Variants in SVIL observed in about 807,000 individuals in gnomAD.
SVIL encodes supervillin.
In SVIL, 101 loss-of-function variants were observed where a neutral mutation model predicts 240.4. The ratio of observed to expected loss-of-function variants is 0.42; its 90% confidence interval spans 0.36 to 0.50. The LOEUF (loss-of-function observed/expected upper bound fraction) is 0.50, where lower values mean the gene tolerates loss of function less well. Among genes scored for constraint, SVIL ranks in the 20% least tolerant of loss-of-function variants. The pLI, the probability that SVIL is intolerant of heterozygous loss-of-function variation, is 0.01. For missense variants in SVIL, 2,512 were observed against 2,818.7 expected, an observed-to-expected ratio of 0.89 and a Z score of 2.46; for synonymous variants, 999 against 1,100.0, an observed-to-expected ratio of 0.91 and a Z score of 1.82.
intron 2 of SVIL, among the ~76,000 whole-genome samples, chr10:29,567,760 T>C (rs1005334872): frequency 6.6e-6 from 1 of 152,152 alleles, no homozygotes; most frequent in Admixed American, 6.5e-5. Context: ...CTCACGCCTG[T>C]AATCCCAGCA....
At chr10:29,691,539 T>G (rs1961511878) in intron 1 of SVIL, among the ~76,000 whole-genome samples, 1 of 152,186 alleles carries the variant, frequency 6.6e-6, no homozygotes, top group African/African-American at 2.4e-5. Flanking sequence ...TAAAGATTCT[T>G]TTCTTGGCGA....
At chr10:29,565,867 T>C (rs1460802792) in intron 2 of SVIL, among the ~76,000 whole-genome samples, 1 of 152,170 alleles carries the variant, frequency 6.6e-6, no homozygotes, top group African/African-American at 2.4e-5. Flanking sequence ...TACTCCAGCC[T>C]GGGAGACAGA....
In SVIL at chr10:29,524,628, G is replaced by A. The variant is rs1950775413; in HGVS notation, c.2430C>T (p.Ser810=). 6.2e-7 allele frequency: 1 copy of A among 1,614,018 alleles called. No individual in the cohort carries two copies. The highest frequency in any genetic ancestry group is 1.1e-5 in the South Asian group (1 of 91,082). The part of the protein sequence containing the change: ...KELAEQGEPD[S]STLSLAEKLA... The stretch of plus-strand genomic sequence containing the variant: ...ACTTTTCGGCCAAGCTTAGAGTGGA[G>A]GAATCAGGTTCTCCTTGCTCAGCAA... The change falls in exon 14 of 38, where the codon TCC becomes TCT. Residue 810 remains serine (S), a synonymous_variant. Coordinates refer to ENST00000355867, the MANE Select transcript of SVIL (RefSeq NM_021738.3).
chr10:29,582,760 A>C (rs1237710783), intron 1 of SVIL, among the ~76,000 whole-genome samples: 1 of 150,372 alleles, frequency 6.7e-6, no homozygotes, highest in Non-Finnish European at 1.5e-5. Flanking sequence ...TAATAATAAT[A>C]ATAATAATAG....
At chr10:29,669,097 G>A (rs144911468) in intron 2 of SVIL, among the ~76,000 whole-genome samples, 4 of 152,312 alleles carry the variant, frequency 2.6e-5, no homozygotes, top group African/African-American at 7.2e-5. Context: ...GAGACTGAAT[G>A]TCAGCTGATA....
intron 33 of SVIL, among the ~76,000 whole-genome samples, chr10:29,466,109 G>C (rs1274124536): frequency 6.6e-6 from 1 of 151,872 alleles, no homozygotes; most frequent in Non-Finnish European, 1.5e-5. Context: ...GACACAAATA[G>C]AACACTCACC....
chr10:29,608,177 A>G (rs1414115521), intron 1 of SVIL, among the ~76,000 whole-genome samples: 2 of 152,084 alleles, frequency 1.3e-5, no homozygotes, highest in Non-Finnish European at 2.9e-5. Context: ...GCCCTCACTC[A>G]TGGCCAGGCT....
chr10:29,535,866 G>A (rs1400871667), intron 7 of SVIL, 123 bp downstream of exon 7: 17 of 934,060 alleles, frequency 1.8e-5, no homozygotes, highest in South Asian at 1.2e-4. Flanking sequence ...TAACTTCCAC[G>A]TGATTTTCAA....
At chr10:29,495,750 C>A (rs922599440) in intron 18 of SVIL, among the ~76,000 whole-genome samples, 1 of 152,130 alleles carries the variant, frequency 6.6e-6, no homozygotes. Context: ...TGGGCAGAAA[C>A]AGGAAATGCT....
chr10:29,699,884 G>C (rs1962373394), intron 1 of SVIL, among the ~76,000 whole-genome samples: 1 of 152,192 alleles, frequency 6.6e-6, no homozygotes, highest in Non-Finnish European at 1.5e-5. Flanking sequence ...GTTGGCTACT[G>C]AACAGTGATT....
chr10:29,490,373 T>A (rs1387361872), intron 22 of SVIL, among the ~76,000 whole-genome samples: 2 of 152,160 alleles, frequency 1.3e-5, no homozygotes, highest in Admixed American at 1.3e-4. Context: ...GTGTTCAGGA[T>A]CTACAGAGCT....
chr10:29,651,376 T>A (rs1958829840), intron 3 of SVIL, among the ~76,000 whole-genome samples: 1 of 152,158 alleles, frequency 6.6e-6, no homozygotes, highest in African/African-American at 2.4e-5. Flanking sequence ...CTTCAAACCA[T>A]TCGGATCTGG....
chr10:29,497,068 G>A (rs1278216294), intron 18 of SVIL, among the ~76,000 whole-genome samples: 4 of 152,184 alleles, frequency 2.6e-5, no homozygotes, highest in Non-Finnish European at 5.9e-5. Context: ...CTCATTCTGT[G>A]AGAGTAAATT....
chr10:29,521,597 T>C (rs1249404585), intron 16 of SVIL, among the ~76,000 whole-genome samples: 1 of 152,230 alleles, frequency 6.6e-6, no homozygotes, highest in African/African-American at 2.4e-5. Context: ...ATTTAGAATG[T>C]CCATCACCTC....
chr10:29,459,563 CAATAGA>C (rs1943989604), intron 36 of SVIL, among the ~76,000 whole-genome samples: 1 of 152,226 alleles, frequency 6.6e-6, no homozygotes, highest in African/African-American at 2.4e-5. Flanking sequence ...TCTTAATCTG[CAATAGA>C]AAAAGAAGGT....
intron 6 of SVIL, among the ~76,000 whole-genome samples, chr10:29,543,150 A>T (rs1387188437): frequency 6.6e-6 from 1 of 152,246 alleles, no homozygotes; most frequent in Non-Finnish European, 1.5e-5. Context: ...CTACTGCTCA[A>T]GGACAGCACC....
At chr10:29,599,650 C>T (rs1833802535) in intron 1 of SVIL, among the ~76,000 whole-genome samples, 1 of 152,156 alleles carries the variant, frequency 6.6e-6, no homozygotes, top group African/African-American at 2.4e-5. Flanking sequence ...CTCCTGACCT[C>T]AGATGATCCG....
intron 1 of SVIL, among the ~76,000 whole-genome samples, chr10:29,618,203 G>T (rs1387504283): frequency 6.6e-6 from 1 of 152,160 alleles, no homozygotes; most frequent in Non-Finnish European, 1.5e-5. Context: ...TCTAGAAAGC[G>T]CCAAAAATCC....
intron 2 of SVIL, among the ~76,000 whole-genome samples, chr10:29,683,818 C>G (rs530976449): frequency 6.6e-6 from 1 of 152,286 alleles, no homozygotes; most frequent in Non-Finnish European, 1.5e-5. Context: ...GCTCCCCCAA[C>G]TTGCCCCAGA....
Sources: gnomAD v4.1 joint callset for allele counts (sites outside exome capture counted in the v4.1 genomes callset) on GRCh38, gnomAD v4.1.1 for gene constraint, MANE v1.5 for transcripts, NCBI Gene and HGNC (gene_info 2026-07-23, HGNC 2026-07-21) for gene names.